NOL4: variants seen among roughly 807,000 people sequenced by gnomAD.
NOL4 encodes the protein nucleolar protein 4.
A neutral mutation model predicts 75.9 loss-of-function variants in NOL4; 17 were observed. That is an observed-to-expected ratio of 0.22 (90% confidence interval 0.15 to 0.34). The LOEUF (loss-of-function observed/expected upper bound fraction) is 0.34, where lower values mean the gene tolerates loss of function less well. NOL4 is among the 10% of genes least tolerant of loss of function. The pLI is 1.00. For missense variants in NOL4, 614 were observed against 793.5 expected, an observed-to-expected ratio of 0.77 and a Z score of 2.72; for synonymous variants, 292 against 289.9, an observed-to-expected ratio of 1.01 and a Z score of -0.07.
chr18:34,095,686 G>T (rs989272577), intron 4 of NOL4, among the ~76,000 whole-genome samples: 2 of 151,772 alleles, frequency 1.3e-5, no homozygotes, highest in African/African-American at 2.4e-5. Context: ...ACAATAAAAT[G>T]GTTTAATATT....
chr18:34,088,697 A>G (rs1740583707), intron 5 of NOL4, among the ~76,000 whole-genome samples: 2 of 152,126 alleles, frequency 1.3e-5, no homozygotes, highest in Non-Finnish European at 2.9e-5. Context: ...TAACTTAAAA[A>G]CATTCTTTTA....
intron 6 of NOL4, among the ~76,000 whole-genome samples, chr18:34,008,347 T>C (rs552687119): frequency 1.3e-5 from 2 of 148,626 alleles, no homozygotes; most frequent in East Asian, 4.0e-4. Context: ...CAGTCCTTCA[T>C]AACATATCAC....
chr18:34,039,454 A>G (rs535045260), intron 5 of NOL4, among the ~76,000 whole-genome samples: 1 of 151,984 alleles, frequency 6.6e-6, no homozygotes, highest in African/African-American at 2.4e-5. Flanking sequence ...TACACATTTC[A>G]GCTCTGCAGA....
chr18:34,168,432 A>G (rs1237383417), intron 1 of NOL4, among the ~76,000 whole-genome samples: 2 of 151,698 alleles, frequency 1.3e-5, no homozygotes, highest in African/African-American at 2.4e-5. Flanking sequence ...TTCTAAAGCA[A>G]TAGTTTCAGG....
At chr18:33,924,760 T>C (rs1301266180) in intron 9 of NOL4, among the ~76,000 whole-genome samples, 1 of 152,180 alleles carries the variant, frequency 6.6e-6, no homozygotes, top group Non-Finnish European at 1.5e-5. Flanking sequence ...TACTAAAATA[T>C]GTAGTGCTGA....
chr18:34,200,970 C>T (rs1269473111), intron 1 of NOL4, among the ~76,000 whole-genome samples: 1 of 151,438 alleles, frequency 6.6e-6, no homozygotes, highest in African/African-American at 2.4e-5. Context: ...TCATTTTTGT[C>T]TTAAATTGAA....
At chr18:34,065,630 C>A (rs926732609) in intron 5 of NOL4, among the ~76,000 whole-genome samples, 2 of 151,844 alleles carry the variant, frequency 1.3e-5, no homozygotes, top group Non-Finnish European at 1.5e-5. Context: ...AAATGGATTT[C>A]TCTGTCATTA....
At chr18:34,001,413 T>C (rs2073695811) in intron 6 of NOL4, among the ~76,000 whole-genome samples, 1 of 152,172 alleles carries the variant, frequency 6.6e-6, no homozygotes, top group Non-Finnish European at 1.5e-5. Context: ...AGAACAATAT[T>C]CCCTTTGTTA....
At chr18:33,917,337 G>A (rs1160269099) in intron 9 of NOL4, among the ~76,000 whole-genome samples, 1 of 152,176 alleles carries the variant, frequency 6.6e-6, no homozygotes, top group East Asian at 1.9e-4. Context: ...TGTTTGGATG[G>A]ATGAAGGGGT....
chr18:34,124,312 G>C (rs954988867), intron 2 of NOL4, among the ~76,000 whole-genome samples: 6 of 152,148 alleles, frequency 3.9e-5, no homozygotes, highest in Non-Finnish European at 8.8e-5. Context: ...AAAAAGAAGT[G>C]AAAGAGACTC....
At chr18:34,110,809 G>A (rs2079550984) in intron 2 of NOL4, among the ~76,000 whole-genome samples, 1 of 151,922 alleles carries the variant, frequency 6.6e-6, no homozygotes, top group Non-Finnish European at 1.5e-5. Flanking sequence ...AACAATGTTA[G>A]AACTTATAAA....
chr18:34,163,427 A>G (rs1275166972), intron 1 of NOL4, among the ~76,000 whole-genome samples: 2 of 151,942 alleles, frequency 1.3e-5, no homozygotes, highest in Non-Finnish European at 2.9e-5. Context: ...AAAAATCACA[A>G]GCATTCTTAT....
chr18:34,111,181 T>C (rs2079569946), intron 2 of NOL4, among the ~76,000 whole-genome samples: 1 of 152,170 alleles, frequency 6.6e-6, no homozygotes, highest in Non-Finnish European at 1.5e-5. Flanking sequence ...AATGTGTGCA[T>C]ATGTGTGTGT....
chr18:34,042,061 A>G (rs1253855459), intron 5 of NOL4, among the ~76,000 whole-genome samples: 9 of 152,040 alleles, frequency 5.9e-5, no homozygotes, highest in Non-Finnish European at 1.3e-4. Context: ...CAAAAAATGA[A>G]GACTTTTTTC....
At chr18:34,164,384 C>A (rs191204745) in intron 1 of NOL4, among the ~76,000 whole-genome samples, 2,896 of 152,126 alleles carry the variant, frequency 0.019, 42 homozygotes, top group Non-Finnish European at 0.03. Flanking sequence ...TGAACTCAAA[C>A]AAATTTACAA....
intron 9 of NOL4, among the ~76,000 whole-genome samples, chr18:33,887,808 C>T (rs544571289): frequency 5.6e-4 from 86 of 152,226 alleles, no homozygotes; most frequent in African/African-American, 2.0e-3. Context: ...TTTTCTTAAT[C>T]CAGTCTATCA....
chr18:33,863,583 T>A (rs781071961), intron 10 of NOL4, among the ~76,000 whole-genome samples: 22 of 152,038 alleles, frequency 1.4e-4, no homozygotes, highest in Non-Finnish European at 2.4e-4. Flanking sequence ...TCTGAAATGA[T>A]CTTCTTTGAC....
At chr18:34,107,805 C>T (rs2079380215) in intron 2 of NOL4, among the ~76,000 whole-genome samples, 1 of 152,088 alleles carries the variant, frequency 6.6e-6, no homozygotes, top group Non-Finnish European at 1.5e-5. Context: ...CATTTGTCCC[C>T]TCACAGAAAC....
At chr18:33,855,696 T>C (rs2062806647) in intron 10 of NOL4, among the ~76,000 whole-genome samples, 1 of 152,120 alleles carries the variant, frequency 6.6e-6, no homozygotes, top group South Asian at 2.1e-4. Context: ...TACAATGCTG[T>C]TTGAAAAATT....
Sources: allele counts gnomAD v4.1 joint callset (sites outside exome capture counted in the v4.1 genomes callset), GRCh38; gene constraint gnomAD v4.1.1; transcripts MANE v1.5; gene names NCBI Gene and HGNC (gene_info 2026-07-23, HGNC 2026-07-21).